The following ROGDI variants were observed in gnomAD, a reference collection of about 807,000 sequenced individuals.
The protein encoded by ROGDI is protein rogdi homolog.
A neutral mutation model predicts 43.1 loss-of-function variants in ROGDI; 46 were observed. That is an observed-to-expected ratio of 1.07 (90% confidence interval 0.84 to 1.37). The LOEUF is 1.37. Among genes scored for constraint, ROGDI ranks in the 40% most tolerant of loss-of-function variants. The probability of loss-of-function intolerance (pLI) is 0.00; values close to 1 mark genes in which losing one functional copy is unlikely to be tolerated. For missense variants in ROGDI, 518 were observed against 383.9 expected (o/e 1.35, Z -2.92); for synonymous variants, 243 against 162.0 (o/e 1.50, Z -3.80).
Position 4,797,200 on chromosome 16 carries a change from T to G in ROGDI, c.*260A>C. 7 of 440,542 alleles carry G rather than the reference T, an allele frequency of 1.6e-5. No homozygotes were observed. Among genetic ancestry groups the G allele is most frequent in the East Asian group, 4.0e-5 (1 of 24,732 alleles). 27.3% of individuals were successfully genotyped at this position (440,542 alleles called of 1,614,324 possible). On this transcript the variant is annotated 3_prime_UTR_variant, in exon 11 of 11. Coordinates refer to ENST00000322048, the MANE Select transcript of ROGDI (RefSeq NM_024589.3). ...CCTGTCCTGAGTCCAAAGATTCCCA[T>G]GGTGATCAGAGGGCGGTGTTGGGAA...
chr16:4,802,532 C>A lies in ROGDI; in HGVS notation c.40G>T (p.Val14Leu). Residue 14 changes from valine to leucine, a missense_variant, in exon 1 of 11, where the codon GTG becomes TTG. Val to Leu is a conservative substitution (Grantham distance 32, BLOSUM62 1). Transcript: ENST00000322048. ...VMAATAAERA[V>L]LEEEFRWLLH... is the part of the protein sequence containing the mutation. Reference sequence around the variant, plus strand: ...CGCTGGCCCGCGCGCCTTACCAGCACCGCCCGCTCCGCCGCCGTCGCTGCC... The same window carrying A: ...CGCTGGCCCGCGCGCCTTACCAGCAACGCCCGCTCCGCCGCCGTCGCTGCC... 7.9e-7 allele frequency: 1 copy of A among 1,266,140 alleles called. No individual in the cohort carries two copies. Among genetic ancestry groups the A allele is most frequent in the South Asian group, 2.4e-5 (1 of 41,214 alleles). 78.4% of individuals were successfully genotyped at this position (1,266,140 alleles called of 1,614,324 possible).
chr16:4,802,538 G>A lies in ROGDI; in HGVS notation c.34C>T (p.Arg12Trp), dbSNP rs867005426. 11 of 1,271,976 alleles carry A rather than the reference G, an allele frequency of 8.6e-6. No individual in the cohort carries two copies. Among genetic ancestry groups the A allele is most frequent in the Middle Eastern group, 6.0e-4 (2 of 3,336 alleles). The allele number at this position is 1,271,976 out of a possible 1,614,324, so 78.8% of individuals were successfully genotyped here. Residue 12 changes from arginine (R) to tryptophan (W), a missense_variant, in exon 1 of 11, where the codon CGG (arginine) becomes TGG (tryptophan). Arg to Trp is a moderately radical substitution (Grantham distance 101). Coordinates refer to ENST00000322048, the MANE Select transcript of ROGDI (RefSeq NM_024589.3). ...CCCGCGCGCCTTACCAGCACCGCCCGCTCCGCCGCCGTCGCTGCCATCACG... is the reference window on the plus strand; with the variant it reads ...CCCGCGCGCCTTACCAGCACCGCCCACTCCGCCGCCGTCGCTGCCATCACG... The part of the protein sequence containing the change: ...ATVMAATAAE[R>W]AVLEEEFRWL...
rs567194102 is a variant in ROGDI, at chr16:4,802,572, G to C, written c.-1C>G. The C allele has an allele frequency of 2.3e-6, 3 of 1,305,004 alleles. No individual in the cohort carries two copies. Among genetic ancestry groups the C allele is most frequent in the Non-Finnish European group, 2.9e-6 (3 of 1,019,308 alleles). The allele number at this position is 1,305,004 out of a possible 1,614,324, so 80.8% of individuals were successfully genotyped here. On this transcript the variant is annotated 5_prime_UTR_variant, in exon 1 of 11. Transcript: ENST00000322048. The stretch of plus-strand genomic sequence containing the variant: ...CCGTCGCTGCCATCACGGTGGCCAT[G>C]GCCGCAGGCCGCCGCCGAGCGCCCT...
At position 4,799,645 on chromosome 16, in the gene ROGDI, C is replaced by CGT. The variant is rs1227239315; in HGVS notation, c.432+39_432+40dup. 8.1e-6 allele frequency: 12 copies of CGT among 1,482,646 alleles called. No individual in the cohort carries two copies. In the East Asian group the frequency reaches 2.8e-4, roughly 34 times the overall value. The allele number at this position is 1,482,646 out of a possible 1,614,324, so 91.8% of individuals were successfully genotyped here. On this transcript the variant is annotated intron_variant, in intron 6 of 10. Transcript: ENST00000322048. ...CCCAGGTGTGATTCCGGATCAAGAA[C>CGT]GTGGGACTAGGCCCAGGAGTCAGGC...
chr16:4,801,468 C>A (rs2082717123), intron 3 of ROGDI, 35 bp downstream of exon 3: 1 of 1,584,442 alleles, frequency 6.3e-7, no homozygotes, highest in Admixed American at 1.8e-5. Context: ...CCCCAAGGTA[C>A]CCATTTCCCC....
rs2082672917 is a variant in ROGDI at position 4,797,936 on chromosome 16, A to T, written c.695+2T>A. The T allele has an allele frequency of 1.3e-6, 2 of 1,599,572 alleles. No individual in the cohort carries two copies. The highest frequency in any genetic ancestry group is 2.7e-5 in the African/African-American group (2 of 74,642). On this transcript the variant is annotated splice_donor_variant, in intron 9 of 10. Transcript: ENST00000322048. LOFTEE classifies it high-confidence loss of function. The stretch of plus-strand genomic sequence containing the variant: ...CTGGACCCCCCGCCCCTGCCTACTT[A>T]CAACATGGCCCCAGGGCTATGCAGC...
Position 4,801,330 on chromosome 16 carries a change from T to A in ROGDI, c.201-9A>T, listed in dbSNP as rs749175130. The A allele has an allele frequency of 2.5e-6, 4 of 1,603,544 alleles. No individual in the cohort carries two copies. In the South Asian group the frequency reaches 3.3e-5, roughly 13 times the overall value. ...CCTTCACCTGGTCTGTGCTGTAACA[T>A]GTGGCGTCAGAGCGGTGCCTGTGGT... On this transcript the variant is annotated splice_polypyrimidine_tract_variant and intron_variant, in intron 3 of 10. Coordinates refer to ENST00000322048, the MANE Select transcript of ROGDI (RefSeq NM_024589.3).
Position 4,801,602 on chromosome 16 carries a change from A to G in ROGDI, c.118-17T>C, listed in dbSNP as rs1481993851. 2 of 1,582,188 alleles carry G rather than the reference A, an allele frequency of 1.3e-6. No homozygotes were observed. The highest frequency in any genetic ancestry group is 3.6e-5 in the Admixed American group (2 of 54,908). ...AGAGGCCTCCTGTGGAACAGAGGGAAGGAGGGGAGCTGGTAGCGCCCACTC... is the reference window on the plus strand; with the variant it reads ...AGAGGCCTCCTGTGGAACAGAGGGAGGGAGGGGAGCTGGTAGCGCCCACTC... On this transcript the variant is annotated splice_polypyrimidine_tract_variant and intron_variant, in intron 2 of 10. Transcript: ENST00000322048.
At chr16:4,799,805 G>C (rs1596276663) in intron 5 of ROGDI, 24 bp from the exon 6 acceptor site, 1 of 1,565,258 alleles carries the variant, frequency 6.4e-7, no homozygotes, top group Admixed American at 1.7e-5. Context: ...TCATCCAGAG[G>C]GGTCACGCCA....
In ROGDI at chr16:4,798,365, G is replaced by C. The variant is rs1164978616; in HGVS notation, c.532-181C>G. On this transcript the variant is annotated intron_variant, in intron 7 of 10. Coordinates refer to ENST00000322048, the MANE Select transcript of ROGDI (RefSeq NM_024589.3). ...GCCCCAAGTATCTCCTGTGCTGTCAGGTTTGGGAACCACTAACCCGAAACA... is the reference window on the plus strand; with the variant it reads ...GCCCCAAGTATCTCCTGTGCTGTCACGTTTGGGAACCACTAACCCGAAACA... 5 of 701,696 alleles carry C rather than the reference G, an allele frequency of 7.1e-6. No homozygotes were observed. In the East Asian group the frequency reaches 1.1e-4, roughly 15 times the overall value. 43.5% of individuals were successfully genotyped at this position (701,696 alleles called of 1,614,324 possible). A position where few individuals can be genotyped will look rare whatever the true frequency, so the allele number is the denominator to read the frequency against.
At chr16:4,800,992 T>A (rs964112288) in intron 4 of ROGDI, 28 of 509,970 alleles carry the variant, frequency 5.5e-5, no homozygotes, top group Non-Finnish European at 8.3e-5. Flanking sequence ...AACTGTGATG[T>A]GTGGCCAGCC....
At chr16:4,801,635 G>GC in intron 2 of ROGDI, 50 bp from the exon 3 acceptor site, 1 of 1,499,362 alleles carries the variant, frequency 6.7e-7, no homozygotes, top group South Asian at 1.2e-5. Context: ...CTCAGGCCCG[G>GC]CCCAGTGCTC....
In ROGDI at chr16:4,801,430, G is replaced by A. The variant is rs188186490; in HGVS notation, c.200+73C>T. The A allele has an allele frequency of 2.9e-5, 45 of 1,565,080 alleles. No individual in the cohort carries two copies. In the African/African-American group the frequency reaches 5.2e-4, roughly 18 times the overall value. ...CCATCGCACAACCAGCTGGTCTGCA[G>A]GACAGGGCTATGGCCATGCCTCCTA... On this transcript the variant is annotated intron_variant, in intron 3 of 10. Coordinates refer to ENST00000322048, the MANE Select transcript of ROGDI (RefSeq NM_024589.3).
intron 5 of ROGDI, among the ~76,000 whole-genome samples, 189 bp downstream of exon 5, chr16:4,800,309 C>A (rs1017458919): frequency 1.3e-5 from 2 of 152,182 alleles, no homozygotes; most frequent in African/African-American, 4.8e-5. Context: ...AGGTTCTCTA[C>A]CTCCCCACAT....
At chr16:4,798,475 C>G (rs942113704) in intron 7 of ROGDI, 94 bp downstream of exon 7, 2 of 979,696 alleles carry the variant, frequency 2.0e-6, no homozygotes, top group African/African-American at 3.3e-5. Context: ...CACCTATAAT[C>G]TGGGAGTGGC....
Position 4,797,299 on chromosome 16 carries a change from C to T in ROGDI, c.*161G>A. 1.5e-6 allele frequency: 1 copy of T among 671,210 alleles called. No homozygotes were observed. The highest frequency in any genetic ancestry group is 2.8e-5 in the East Asian group (1 of 35,732). 41.6% of individuals were successfully genotyped at this position (671,210 alleles called of 1,614,324 possible). A position where few individuals can be genotyped will look rare whatever the true frequency, so the allele number is the denominator to read the frequency against. ...AAACCAGCCTTCCTTCCTCCTGGCA[C>T]TTCCAGTGTCCATTCCCGGCAGTGC... On this transcript the variant is annotated 3_prime_UTR_variant, in exon 11 of 11. Coordinates refer to ENST00000322048, the MANE Select transcript of ROGDI (RefSeq NM_024589.3).
intron 6 of ROGDI, among the ~76,000 whole-genome samples, chr16:4,799,122 C>G (rs531521957): frequency 6.6e-6 from 1 of 152,066 alleles, no homozygotes; most frequent in African/African-American, 2.4e-5. Context: ...TTCCCTTTGC[C>G]GTGGAGCAGA....
intron 7 of ROGDI, 116 bp downstream of exon 7, chr16:4,798,453 G>C (rs2082680981): frequency 2.3e-6 from 2 of 872,456 alleles, no homozygotes; most frequent in South Asian, 1.7e-5. Context: ...AACCTGCCTA[G>C]ACAGAATATT....
Position 4,800,511 on chromosome 16 carries a change from C to T in ROGDI, c.323G>A (p.Trp108Ter). Residue 108 changes from tryptophan (W) to a stop codon, truncating the protein, a stop_gained, in exon 5 of 11, where the codon TGG becomes TAG. Transcript: ENST00000322048. LOFTEE classifies it high-confidence loss of function. ...GGGCGGGGTCACCTGCTGCAGCTTC[C>T]ACTGCTTGTCCTCCCGGAAGGCGAA... ...LHFAFREDKQ[W>*]KLQQIQDARN... The T allele has an allele frequency of 1.9e-6, 3 of 1,557,444 alleles. No individual in the cohort carries two copies. Among genetic ancestry groups the T allele is most frequent in the South Asian group, 1.2e-5 (1 of 84,500 alleles).
Sources: allele counts gnomAD v4.1 joint callset (sites outside exome capture counted in the v4.1 genomes callset), GRCh38; gene constraint gnomAD v4.1.1; transcripts MANE v1.5; gene names NCBI Gene and HGNC (gene_info 2026-07-23, HGNC 2026-07-21).